The following ZNF138 variants were observed in gnomAD, a reference collection of about 807,000 sequenced individuals.
The protein encoded by ZNF138 is zinc finger protein 138 (clone pHZ-32).
ZNF138 carries 33 observed loss-of-function variants against 33.0 expected under a neutral mutation model. That is an observed-to-expected ratio of 1.00 (90% CI 0.76 to 1.34). The LOEUF (loss-of-function observed/expected upper bound fraction) is 1.34. ZNF138 is among the 40% of genes most tolerant of loss of function. The pLI, the probability that ZNF138 is intolerant of heterozygous loss-of-function variation, is 0.00. For synonymous variants in ZNF138, 139 were observed against 120.4 expected (o/e 1.15, Z -1.01); for missense variants, 360 against 370.8 (o/e 0.97, Z 0.24).
Position 64,831,855 on chromosome 7 carries a change from A to C in ZNF138, c.613A>C (p.Asn205His). The change falls in exon 4 of 4, where the codon AAC becomes CAC. Residue 205 changes from asparagine (N) to histidine (H), a missense_variant. Asn to His is a moderately conservative substitution (Grantham distance 68, BLOSUM62 1). Coordinates refer to ENST00000307355, the MANE Select transcript of ZNF138 (RefSeq NM_001271639.2). Reference protein sequence around the residue: ...YKCEECGKTFNWSTNLSKPKK... With the variant: ...YKCEECGKTFHWSTNLSKPKK... ...ATGTGAAGAGTGTGGAAAAACCTTT[A>C]ACTGGTCCACAAACCTTTCTAAACC... 2.5e-6 allele frequency: 4 copies of C among 1,613,944 alleles called. No individual in the cohort carries two copies. The highest frequency in any genetic ancestry group is 3.4e-6 in the Non-Finnish European group (4 of 1,179,938).
At chr7:64,796,507 G>A (rs1786698057) in intron 1 of ZNF138, among the ~76,000 whole-genome samples, 1 of 152,196 alleles carries the variant, frequency 6.6e-6, no homozygotes, top group South Asian at 2.1e-4. Context: ...GGACTAAAAG[G>A]TAAGAGGATA....
At position 64,814,727 on chromosome 7, in the gene ZNF138, C is replaced by T. The variant is rs543739626; in HGVS notation, c.4-191C>T. On this transcript the variant is annotated intron_variant, in intron 1 of 3. Coordinates refer to ENST00000307355, the MANE Select transcript of ZNF138 (RefSeq NM_001271639.2). ...GCAGTGAGCCAAGATTGCACCATTG[C>T]ACTCCAGCGTGGGCAACAGAGTGAG... 4.5e-4 allele frequency among the ~76,000 whole-genome samples: 68 copies of T among 152,110 alleles called. No homozygotes were observed. In the South Asian group the frequency reaches 0.014, roughly 32 times the overall value.
the ZNF138 span, among the ~76,000 whole-genome samples, chr7:64,848,217 CTCTTAATCTG>C: frequency 2.0e-5 from 3 of 152,124 alleles, no homozygotes; most frequent in Non-Finnish European, 4.4e-5. Flanking sequence ...GAGAAATCTG[CTCTTAATCTG>C]ATAGGTTTTT....
chr7:64,832,145 T>A lies in ZNF138; in HGVS notation c.903T>A (p.Tyr301Ter). ...SPTLTKHQII[Y>*]TGEEPYKCEE... is the part of the protein sequence containing the mutation. ...CCCTTACTAAACATCAGATAATTTA[T>A]ACTGGAGAGGAACCATACAAATGTG... Residue 301 changes from tyrosine (Y) to a stop codon, truncating the protein, a stop_gained, in exon 4 of 4, where the codon TAT becomes TAA. Coordinates refer to ENST00000307355, the MANE Select transcript of ZNF138 (RefSeq NM_001271639.2). LOFTEE classifies it high-confidence loss of function. 1 of 1,612,404 alleles carries A rather than the reference T, an allele frequency of 6.2e-7. No individual in the cohort carries two copies. The highest frequency in any genetic ancestry group is 8.5e-7 in the Non-Finnish European group (1 of 1,179,664).
chr7:64,825,227 C>T (rs552313062), intron 3 of ZNF138, among the ~76,000 whole-genome samples: 11 of 124,998 alleles, frequency 8.8e-5, no homozygotes, highest in Non-Finnish European at 1.5e-4. Context: ...GGCTGGAGTG[C>T]AGTGGCGCGA....
At chr7:64,828,447 C>A (rs769907342) in intron 3 of ZNF138, among the ~76,000 whole-genome samples, 15 of 152,000 alleles carry the variant, frequency 9.9e-5, no homozygotes, top group Non-Finnish European at 2.1e-4. Context: ...CCATGGCTGG[C>A]CCATTTCATT....
chr7:64,816,114 G>T (rs1306742900), intron 3 of ZNF138, among the ~76,000 whole-genome samples: 1 of 152,016 alleles, frequency 6.6e-6, no homozygotes, highest in Non-Finnish European at 1.5e-5. Flanking sequence ...TTAAAATGTA[G>T]TTTGAAATTA....
chr7:64,831,789 ACT>A lies in ZNF138; in HGVS notation c.549_550del (p.Gln184ThrfsTer2). The A allele has an allele frequency of 1.2e-6, 2 of 1,613,602 alleles. No individual in the cohort carries two copies. The highest frequency in any genetic ancestry group is 1.7e-6 in the Non-Finnish European group (2 of 1,179,904). On this transcript the variant is annotated frameshift_variant, in exon 4 of 4. Transcript: ENST00000307355. LOFTEE classifies it high-confidence loss of function. Reference protein sequence around the residue: ...DKSLCMLSRLTQHKKIHTREN... With the variant: ...DKSLCMLSRLXQHKKIHTREN... ...ATCACTTTGCATGCTTTCACGCCTA[ACT>A]CAACATAAAAAAATTCATACTAGAG... is the stretch of plus-strand genomic sequence containing the variant.
At chr7:64,810,462 G>GGGGAGA (rs1788076643) in intron 1 of ZNF138, among the ~76,000 whole-genome samples, 1 of 150,214 alleles carries the variant, frequency 6.7e-6, no homozygotes, top group Non-Finnish European at 1.5e-5. Flanking sequence ...AGAGGGGGAG[G>GGGGAGA]GGGAGAGGGA....
At chr7:64,824,646 C>A (rs1789424480) in intron 3 of ZNF138, among the ~76,000 whole-genome samples, 1 of 152,064 alleles carries the variant, frequency 6.6e-6, no homozygotes, top group Non-Finnish European at 1.5e-5. Context: ...GTTGTACATG[C>A]ACATACATAG....
chr7:64,820,081 A>C (rs1788990589), intron 3 of ZNF138, among the ~76,000 whole-genome samples: 1 of 152,016 alleles, frequency 6.6e-6, no homozygotes, highest in Non-Finnish European at 1.5e-5. Context: ...CCCGCAAAAA[A>C]GCTGTTCATT....
In ZNF138 at chr7:64,832,194, CTATCTTA is replaced by C; in HGVS notation, c.953_959del (p.Leu318HisfsTer36). ...TGAGGAATGTGGCAAAGCTTTTAAC[CTATCTTA>C]ACAACTTACTGAACATAAGAAAATT... is the stretch of plus-strand genomic sequence containing the variant. On this transcript the variant is annotated frameshift_variant and stop_lost, in exon 4 of 4. Coordinates refer to ENST00000307355, the MANE Select transcript of ZNF138 (RefSeq NM_001271639.2). LOFTEE classifies it high-confidence loss of function. 6.2e-7 allele frequency: 1 copy of C among 1,605,842 alleles called. No homozygotes were observed. The highest frequency in any genetic ancestry group is 8.5e-7 in the Non-Finnish European group (1 of 1,177,686).
At chr7:64,841,877 T>C in the ZNF138 span, among the ~76,000 whole-genome samples, 1 of 152,302 alleles carries the variant, frequency 6.6e-6, no homozygotes, top group Admixed American at 6.5e-5. Context: ...GCATACACTG[T>C]CCATAGATCA....
intron 3 of ZNF138, among the ~76,000 whole-genome samples, chr7:64,821,658 T>C (rs946892061): frequency 2.0e-5 from 3 of 151,162 alleles, no homozygotes; most frequent in Non-Finnish European, 4.4e-5. Flanking sequence ...GTGATTCTCA[T>C]GCCTCAGCCT....
Position 64,831,595 on chromosome 7 carries a change from A to G in ZNF138, c.353A>G (p.Lys118Arg), listed in dbSNP as rs1247222902. The change falls in exon 4 of 4, where the codon AAG becomes AGG. Residue 118 changes from lysine to arginine, a missense_variant. Physicochemically the swap from Lys to Arg is conservative, Grantham distance 26. Coordinates refer to ENST00000307355, the MANE Select transcript of ZNF138 (RefSeq NM_001271639.2). ...GGCTGTAAAAGTGTGGATGAGTGTA[A>G]GGGACACCAAGGAGGTTTTAATGGA... The part of the protein sequence containing the change: ...RKGCKSVDEC[K>R]GHQGGFNGLN... 5.0e-6 allele frequency: 8 copies of G among 1,613,016 alleles called. No individual in the cohort carries two copies. Among genetic ancestry groups the G allele is most frequent in the Admixed American group, 1.7e-5 (1 of 59,788 alleles).
At chr7:64,860,077 C>G in the ZNF138 span, among the ~76,000 whole-genome samples, 1 of 152,178 alleles carries the variant, frequency 6.6e-6, no homozygotes, top group African/African-American at 2.4e-5. Flanking sequence ...GCGGAGGTTG[C>G]AGTGAGCCAA....
At chr7:64,818,648 G>A (rs1583852990) in intron 3 of ZNF138, among the ~76,000 whole-genome samples, 1 of 146,928 alleles carries the variant, frequency 6.8e-6, no homozygotes, top group East Asian at 2.1e-4. Context: ...TACTCAGGAG[G>A]CTGAGGCAGG....
intron 1 of ZNF138, among the ~76,000 whole-genome samples, chr7:64,809,950 C>A (rs1461456168): frequency 2.2e-5 from 2 of 89,328 alleles, no homozygotes; most frequent in Admixed American, 1.1e-4. Flanking sequence ...GGCGGCCGGG[C>A]GGAGACGCTC....
intron 3 of ZNF138, among the ~76,000 whole-genome samples, chr7:64,817,365 T>C (rs906851353): frequency 3.9e-5 from 6 of 152,178 alleles, no homozygotes; most frequent in African/African-American, 1.4e-4. Context: ...TGGGACCAAG[T>C]TGGGTGGGCC....
Sources: allele counts gnomAD v4.1 joint callset (sites outside exome capture counted in the v4.1 genomes callset), GRCh38; gene constraint gnomAD v4.1.1; transcripts MANE v1.5; gene names NCBI Gene and HGNC (gene_info 2026-07-23, HGNC 2026-07-21).